NMU: variants seen among roughly 807,000 people sequenced by gnomAD.
NMU encodes the protein neuromedin-U.
A neutral mutation model predicts 35.4 loss-of-function variants in NMU; 29 were observed. The observed-to-expected ratio is 0.82, with a 90% CI of 0.61 to 1.12. NMU has a LOEUF of 1.12. NMU is among the 50% of genes most tolerant of loss of function. The pLI, the probability that NMU is intolerant of heterozygous loss-of-function variation, is 0.00. For synonymous variants in NMU, 78 were observed against 81.3 expected (o/e 0.96, Z 0.22); for missense variants, 199 against 206.2 (o/e 0.97, Z 0.21).
At chr4:55,635,931 G>A (rs1475932245) in intron 1 of NMU, 150 bp downstream of exon 1, 30 of 1,410,956 alleles carry the variant, frequency 2.1e-5, no homozygotes, top group Non-Finnish European at 2.7e-5. Flanking sequence ...ACCTGTGCCT[G>A]GGAGGCGGGA....
chr4:55,636,153 C>G lies in NMU; in HGVS notation c.40G>C (p.Gly14Arg), dbSNP rs1050083055. ...AGCGGGGACGCCGCGGCCACCTGTC[C>G]GGCGGGCGACCTGGGGCGGCAGCTC... ...TESCRPRSPAGQVAAASPLLL... is the reference protein window; with the variant it reads ...TESCRPRSPARQVAAASPLLL... Residue 14 changes from glycine (G) to arginine (R), a missense_variant, in exon 1 of 10, where the codon GGA (glycine) becomes CGA (arginine). Gly to Arg is a moderately radical substitution (Grantham distance 125, BLOSUM62 -2). Coordinates refer to ENST00000264218, the MANE Select transcript of NMU (RefSeq NM_006681.4). The surrounding 1 kb of genome is among the most constrained non-coding windows in gnomAD (Gnocchi z 4.0). 12 of 1,516,140 alleles carry G rather than the reference C, an allele frequency of 7.9e-6. No individual in the cohort carries two copies. The highest frequency in any genetic ancestry group is 8.8e-6 in the Non-Finnish European group (10 of 1,139,064). 93.9% of individuals were successfully genotyped at this position (1,516,140 alleles called of 1,614,324 possible). A position where few individuals can be genotyped will look rare whatever the true frequency, so the allele number is the denominator to read the frequency against.
chr4:55,619,747 G>GC (rs1348049490), intron 2 of NMU, among the ~76,000 whole-genome samples: 2 of 144,290 alleles, frequency 1.4e-5, no homozygotes, highest in African/African-American at 5.1e-5. Context: ...AGTAACCTCT[G>GC]CAGACTTAAG....
At chr4:55,615,906 G>A (rs901504739) in intron 3 of NMU, among the ~76,000 whole-genome samples, 1 of 152,004 alleles carries the variant, frequency 6.6e-6, no homozygotes, top group African/African-American at 2.4e-5. Context: ...TCCTGTGTTA[G>A]TTTGCTTAAA....
chr4:55,598,920 C>T (rs1733312154), intron 9 of NMU, among the ~76,000 whole-genome samples: 1 of 152,082 alleles, frequency 6.6e-6, no homozygotes, highest in Non-Finnish European at 1.5e-5. Flanking sequence ...CAAATGAGGC[C>T]CTAAAATACT....
At chr4:55,610,966 T>A (rs1168158025) in intron 3 of NMU, among the ~76,000 whole-genome samples, 1 of 152,200 alleles carries the variant, frequency 6.6e-6, no homozygotes, top group East Asian at 1.9e-4. Context: ...TTTCAAAAGC[T>A]TATAGAATGA....
intron 6 of NMU, among the ~76,000 whole-genome samples, chr4:55,606,151 A>T (rs964365325): frequency 2.0e-5 from 3 of 152,216 alleles, no homozygotes; most frequent in Non-Finnish European, 2.9e-5. Flanking sequence ...CCATGTGATA[A>T]ATATTTCAAA....
At chr4:55,601,168 T>C (rs571715561) in intron 7 of NMU, among the ~76,000 whole-genome samples, 1 of 152,100 alleles carries the variant, frequency 6.6e-6, no homozygotes, top group Non-Finnish European at 1.5e-5. Flanking sequence ...GACCCAATTA[T>C]TCATAATAAG....
chr4:55,609,579 C>T (rs1733849210), intron 3 of NMU, among the ~76,000 whole-genome samples: 1 of 152,156 alleles, frequency 6.6e-6, no homozygotes, highest in Non-Finnish European at 1.5e-5. Flanking sequence ...CTGTGAGCCT[C>T]GCTGAATATT....
At chr4:55,615,265 G>C (rs1037626587) in intron 3 of NMU, among the ~76,000 whole-genome samples, 1 of 152,228 alleles carries the variant, frequency 6.6e-6, no homozygotes, top group Non-Finnish European at 1.5e-5. Flanking sequence ...GAGCTGTCTG[G>C]TAGGTGAACT....
At chr4:55,617,666 C>A (rs1269644914) in intron 2 of NMU, among the ~76,000 whole-genome samples, 8 of 152,164 alleles carry the variant, frequency 5.3e-5, no homozygotes, top group Non-Finnish European at 5.9e-5. Context: ...AAAAAGATAA[C>A]CATTTTAAAG....
At chr4:55,604,027 A>ATATATATGTATATATAC (rs1733567304) in intron 7 of NMU, among the ~76,000 whole-genome samples, 1 of 29,006 alleles carries the variant, frequency 3.4e-5, no homozygotes, top group African/African-American at 1.0e-4. Context: ...GTATATATAT[A>ATATATATGTATATATAC]ATCCTAGAAA....
chr4:55,636,354 G>T, upstream of NMU: 1 of 1,100,132 alleles, frequency 9.1e-7, no homozygotes, highest in Non-Finnish European at 1.2e-6. This position sits in a 1 kb window ranked among gnomAD's most constrained non-coding sequence, Gnocchi z 4.0. Flanking sequence ...GCTGGGCTGC[G>T]CGGTCCCCGC....
chr4:55,627,947 C>A (rs1734599890), intron 2 of NMU, among the ~76,000 whole-genome samples: 1 of 152,160 alleles, frequency 6.6e-6, no homozygotes, highest in Admixed American at 6.5e-5. Flanking sequence ...ATGTATCAAA[C>A]TTCTAGAGCA....
intron 4 of NMU, 71 bp downstream of exon 4, chr4:55,609,049 T>G: frequency 7.7e-7 from 1 of 1,302,524 alleles, no homozygotes; most frequent in Non-Finnish European, 1.1e-6. Flanking sequence ...GGGCATATTT[T>G]CTTCCAGGAG....
chr4:55,627,258 T>G (rs1313472098), intron 2 of NMU, among the ~76,000 whole-genome samples: 1 of 152,204 alleles, frequency 6.6e-6, no homozygotes, highest in East Asian at 1.9e-4. Context: ...GCCTTTTTTT[T>G]TTTATTACTG....
chr4:55,604,026 T>TGTATATATACACGTGTATATATACAC, intron 7 of NMU, among the ~76,000 whole-genome samples: 1 of 85,534 alleles, frequency 1.2e-5, no homozygotes, highest in African/African-American at 4.3e-5. Flanking sequence ...TGTATATATA[T>TGTATATATACACGTGTATATATACAC]AATCCTAGAA....
rs1733771841 is a variant in NMU at position 55,608,086 on chromosome 4, AAT to A, written c.280-622_280-621del. On this transcript the variant is annotated intron_variant, in intron 4 of 9. Coordinates refer to ENST00000264218, the MANE Select transcript of NMU (RefSeq NM_006681.4). ...GCTATTCAGGAGGCTGAGGCAGAAG[AAT>A]GGCGTGAACCTGGGAGGCGGAGCTT... 2.0e-5 allele frequency among the ~76,000 whole-genome samples: 3 copies of A among 149,640 alleles called. No homozygotes were observed. The East Asian group carries it at 6.0e-4, about 30-fold the overall frequency.
chr4:55,612,625 C>A (rs1228641251), intron 3 of NMU, among the ~76,000 whole-genome samples: 1 of 152,150 alleles, frequency 6.6e-6, no homozygotes, highest in Non-Finnish European at 1.5e-5. Flanking sequence ...AGAATAAATT[C>A]ACACATGAGT....
Position 55,598,668 on chromosome 4 carries a change from C to T in NMU, c.*4+474G>A, listed in dbSNP as rs147494805. 4.7e-4 allele frequency among the ~76,000 whole-genome samples: 72 copies of T among 152,200 alleles called. 1 individual carries two copies. The highest frequency in any genetic ancestry group is 1.5e-3 in the African/African-American group (62 of 41,534). On this transcript the variant is annotated intron_variant, in intron 9 of 9. Coordinates refer to ENST00000264218, the MANE Select transcript of NMU (RefSeq NM_006681.4). ...GTCTTTCCACATTTTAAAATATTCT[C>T]TAGAAACTGGTAAATCACTAGCTTT...
Sources: gnomAD v4.1 joint callset for allele counts (sites outside exome capture counted in the v4.1 genomes callset) on GRCh38, gnomAD v4.1.1 for gene constraint, Gnocchi (gnomAD v3.1) non-coding constraint, MANE v1.5 for transcripts, NCBI Gene and HGNC (gene_info 2026-07-23, HGNC 2026-07-21) for gene names.